Variants in SLC22A25 observed in about 807,000 individuals in gnomAD.
SLC22A25 encodes MGI:2442751, MGI:2385316, MGI:3042283, MGI:3645714, MGI:3605624, MGI:2442750.
A neutral mutation model predicts 45.9 loss-of-function variants in SLC22A25; 44 were observed. The ratio of observed to expected loss-of-function variants is 0.96; its 90% CI spans 0.75 to 1.23. The LOEUF (loss-of-function observed/expected upper bound fraction) is 1.23. SLC22A25 is among the 50% of genes most tolerant of loss of function. SLC22A25 has a pLI of 0.00. For missense variants in SLC22A25, 800 were observed against 666.4 expected (o/e 1.20, Z -2.21); for synonymous variants, 283 against 238.6 (o/e 1.19, Z -1.72).
Position 63,229,769 on chromosome 11 carries a change from A to ACTCTCTTCT in SLC22A25, c.-126_-118dup. 9.3e-7 allele frequency: 1 copy of ACTCTCTTCT among 1,070,682 alleles called. No individual in the cohort carries two copies. Among genetic ancestry groups the ACTCTCTTCT allele is most frequent in the East Asian group, 2.6e-5 (1 of 38,162 alleles). 66.3% of individuals were successfully genotyped at this position (1,070,682 alleles called of 1,614,324 possible). On this transcript the variant is annotated 5_prime_UTR_variant, in exon 4 of 12. Coordinates refer to ENST00000306494, the MANE Select transcript of SLC22A25 (RefSeq NM_199352.6). ...AAGTGTGTGTGTTGATCCTGACCCC[A>ACTCTCTTCT]CTCTCTTCTTAATGGGCCCTCTCTC...
intron 7 of SLC22A25, among the ~76,000 whole-genome samples, chr11:63,195,579 A>G (rs544561283): frequency 6.6e-6 from 1 of 152,358 alleles, no homozygotes; most frequent in East Asian, 1.9e-4. Flanking sequence ...ACAACATACC[A>G]GAATCTCTGG....
intron 7 of SLC22A25, among the ~76,000 whole-genome samples, chr11:63,201,257 T>C (rs184084325): frequency 2.1e-4 from 32 of 152,242 alleles, no homozygotes; most frequent in Non-Finnish European, 4.4e-4. Flanking sequence ...CTTCAAACTT[T>C]ACTACAGGGC....
intron 3 of SLC22A25, among the ~76,000 whole-genome samples, chr11:63,235,122 T>C (rs2090141426): frequency 6.6e-6 from 1 of 152,226 alleles, no homozygotes; most frequent in East Asian, 1.9e-4. Context: ...ATTATGTGTC[T>C]TGGAGTTGCT....
In SLC22A25 at chr11:63,183,778, G is replaced by A; in HGVS notation, c.870C>T (p.Asn290=). The A allele has an allele frequency of 6.2e-7, 1 of 1,613,128 alleles. No homozygotes were observed. The highest frequency in any genetic ancestry group is 8.5e-7 in the Non-Finnish European group (1 of 1,179,384). Residue 290 remains asparagine (N), a synonymous_variant, in exon 8 of 12, where the codon AAC becomes AAT. Coordinates refer to ENST00000306494, the MANE Select transcript of SLC22A25 (RefSeq NM_199352.6). ...AESARWLIIN[N]KPEEGLKELR... is the part of the protein sequence containing the mutation. ...GTTCCTTTAAGCCCTCTTCTGGTTT[G>A]TTGTTGATAATGAGCCACCGAGCAG...
At chr11:63,207,761 A>G (rs1279524760) in intron 7 of SLC22A25, among the ~76,000 whole-genome samples, 1 of 152,162 alleles carries the variant, frequency 6.6e-6, no homozygotes, top group African/African-American at 2.4e-5. Flanking sequence ...GTTTCTCTAG[A>G]TGTGTAGCTG....
chr11:63,228,597 T>G, intron 4 of SLC22A25, 33 bp from the exon 5 acceptor site: 1 of 1,493,328 alleles, frequency 6.7e-7, no homozygotes, highest in South Asian at 1.1e-5. Flanking sequence ...TATCAATGCT[T>G]ATAGCCCCTC....
chr11:63,183,733 C>T lies in SLC22A25; in HGVS notation c.915G>A (p.Arg305=). ...TGTCTTCAGCATTCTTCATTCCATT[C>T]CTGTGTGCAGCTTTTCTAAGTTCCT... is the stretch of plus-strand genomic sequence containing the variant. The part of the protein sequence containing the change: ...GLKELRKAAH[R]NGMKNAEDIL... The change falls in exon 8 of 12, where the codon AGG becomes AGA. Residue 305 remains arginine, a synonymous_variant. Coordinates refer to ENST00000306494, the MANE Select transcript of SLC22A25 (RefSeq NM_199352.6). 1.2e-6 allele frequency: 2 copies of T among 1,613,178 alleles called. No individual in the cohort carries two copies. Among genetic ancestry groups the T allele is most frequent in the East Asian group, 2.2e-5 (1 of 44,876 alleles).
intron 3 of SLC22A25, among the ~76,000 whole-genome samples, chr11:63,235,642 G>A (rs1489578868): frequency 6.6e-6 from 1 of 152,094 alleles, no homozygotes; most frequent in Non-Finnish European, 1.5e-5. Context: ...CCTCTCTCAA[G>A]TCATTGAAGT....
intron 7 of SLC22A25, among the ~76,000 whole-genome samples, chr11:63,193,598 C>G (rs1222864895): frequency 6.6e-6 from 1 of 152,218 alleles, no homozygotes; most frequent in Non-Finnish European, 1.5e-5. Context: ...AACTAACAAA[C>G]AGAAAGGAAT....
chr11:63,230,723 C>A (rs149580358), intron 3 of SLC22A25, among the ~76,000 whole-genome samples: 1 of 152,242 alleles, frequency 6.6e-6, no homozygotes, highest in East Asian at 1.9e-4. Flanking sequence ...CATATGTATA[C>A]GTGTGCCATG....
At chr11:63,231,797 A>G (rs959011569) in intron 3 of SLC22A25, among the ~76,000 whole-genome samples, 15 of 152,154 alleles carry the variant, frequency 9.9e-5, no homozygotes, top group South Asian at 2.1e-4. Flanking sequence ...TCCATCTTGA[A>G]TTAATTTTTG....
intron 7 of SLC22A25, among the ~76,000 whole-genome samples, chr11:63,216,794 A>T (rs559128477): frequency 1.3e-5 from 2 of 151,642 alleles, no homozygotes; most frequent in African/African-American, 4.9e-5. Flanking sequence ...AAGCCTGCAC[A>T]TGTACCCCTG....
rs2134701806 is a variant in SLC22A25 at position 63,162,837 on chromosome 11, G to A, written c.*987C>T. 6.6e-6 allele frequency among the ~76,000 whole-genome samples: 1 copy of A among 152,152 alleles called. No homozygotes were observed. ...TTTATTTATTTTCTAAATTTTAGTA[G>A]TATCTAGAAATGGTCTCGATTTTTC... On this transcript the variant is annotated 3_prime_UTR_variant, in exon 12 of 12. Coordinates refer to ENST00000306494, the MANE Select transcript of SLC22A25 (RefSeq NM_199352.6).
At chr11:63,166,460 A>G (rs2087688791) in intron 9 of SLC22A25, 2 of 1,402,670 alleles carry the variant, frequency 1.4e-6, no homozygotes. Context: ...TTGTATCTTG[A>G]GGGACAACAG....
At chr11:63,171,391 T>C (rs991361687) in intron 9 of SLC22A25, among the ~76,000 whole-genome samples, 1 of 152,142 alleles carries the variant, frequency 6.6e-6, no homozygotes, top group African/African-American at 2.4e-5. Flanking sequence ...GATGACATGA[T>C]TGTATATTTA....
chr11:63,206,017 A>C (rs1322262103), intron 7 of SLC22A25, among the ~76,000 whole-genome samples: 24 of 152,146 alleles, frequency 1.6e-4, no homozygotes, highest in Admixed American at 1.6e-3. Context: ...TCACATAAAC[A>C]GAACAAATGA....
chr11:63,236,609 A>C (rs1590924170), intron 3 of SLC22A25, among the ~76,000 whole-genome samples: 1 of 151,046 alleles, frequency 6.6e-6, no homozygotes, highest in Non-Finnish European at 1.5e-5. Context: ...GTGATGCCTC[A>C]CCCTGCTTTG....
chr11:63,164,756 A>G, intron 10 of SLC22A25, 122 bp from the exon 11 acceptor site: 1 of 724,462 alleles, frequency 1.4e-6, no homozygotes, highest in Middle Eastern at 3.9e-4. Context: ...ACTGTAGGAA[A>G]ACTGCATAGA....
In SLC22A25 at chr11:63,216,751, C is replaced by T. The variant is rs77097615; in HGVS notation, c.830+563G>A. On this transcript the variant is annotated intron_variant, in intron 7 of 11. Coordinates refer to ENST00000306494, the MANE Select transcript of SLC22A25 (RefSeq NM_199352.6). Reference sequence around the variant, plus strand: ...CTAGGTGATAAAATAATCTGTACAACGAATCCTCATTATGCAAGTTTGCCT... The same window carrying T: ...CTAGGTGATAAAATAATCTGTACAATGAATCCTCATTATGCAAGTTTGCCT... 1.3e-3 allele frequency among the ~76,000 whole-genome samples: 196 copies of T among 152,226 alleles called. 5 individuals are homozygous for T. In the East Asian group the frequency reaches 0.03, roughly 23 times the overall value.
Sources: allele counts gnomAD v4.1 joint callset (sites outside exome capture counted in the v4.1 genomes callset), GRCh38; gene constraint gnomAD v4.1.1; transcripts MANE v1.5; gene names NCBI Gene and HGNC (gene_info 2026-07-23, HGNC 2026-07-21).